Variants in NTRK1 observed in about 807,000 individuals in gnomAD.
The protein encoded by NTRK1 is high affinity nerve growth factor receptor.
A neutral mutation model predicts 86.8 loss-of-function variants in NTRK1; 62 were observed. The ratio of observed to expected loss-of-function variants is 0.71; its 90% CI spans 0.58 to 0.88. The LOEUF is 0.88. Among genes scored for constraint, NTRK1 ranks in the 40% least tolerant of loss-of-function variants. The pLI is 0.00. For synonymous variants in NTRK1, 469 were observed against 456.6 expected (o/e 1.03, Z -0.35); for missense variants, 967 against 1,078.4 (o/e 0.90, Z 1.45).
At position 156,854,016 on chromosome 1, in the gene NTRK1, C is replaced by T. The variant is rs756463436; in HGVS notation, c.51-10338C>T. On this transcript the variant is annotated intron_variant, in intron 2 of 16. Coordinates refer to the NTRK1 transcript ENST00000392302. The surrounding 1 kb of genome is among the most constrained non-coding windows in gnomAD (Gnocchi z 4.2). The stretch of plus-strand genomic sequence containing the variant: ...GCCCCAAGTGCAGGCAGTGCCACGT[C>T]ACGCAGATGTGGCATCTCAAAGATG... 3.7e-6 allele frequency: 6 copies of T among 1,613,854 alleles called. No individual in the cohort carries two copies. Among genetic ancestry groups the T allele is most frequent in the Non-Finnish European group, 4.2e-6 (5 of 1,179,928 alleles).
At chr1:156,849,460 C>G (rs1410910688) in intron 2 of NTRK1, 6 of 1,532,894 alleles carry the variant, frequency 3.9e-6, no homozygotes, top group South Asian at 1.1e-5. Flanking sequence ...GAGTGTAGTT[C>G]CTGGGGGAGG....
chr1:156,861,147 G>C lies in NTRK1; in HGVS notation c.212+1G>C. 1.3e-6 allele frequency: 2 copies of C among 1,566,476 alleles called. No homozygotes were observed. The highest frequency in any genetic ancestry group is 8.6e-7 in the Non-Finnish European group (1 of 1,159,736). Reference sequence around the variant, plus strand: ...CCGGCGCAGAGAACCTGACTGAGCTGTGAGTGTCCGGCGGGCGGTGGGGGG... The same window carrying C: ...CCGGCGCAGAGAACCTGACTGAGCTCTGAGTGTCCGGCGGGCGGTGGGGGG... On this transcript the variant is annotated splice_donor_variant, in intron 1 of 16. Transcript: ENST00000524377. LOFTEE classifies it high-confidence loss of function.
chr1:156,842,920 T>C (rs1194754798), intron 2 of NTRK1: 3 of 1,080,830 alleles, frequency 2.8e-6, no homozygotes, highest in African/African-American at 1.6e-5. Flanking sequence ...AATGGTGCCC[T>C]AACCTCATCT....
In NTRK1 at chr1:156,844,872, C is replaced by T. The variant is rs769668559; in HGVS notation, c.50+2679C>T. 8 of 1,612,432 alleles carry T rather than the reference C, an allele frequency of 5.0e-6. No individual in the cohort carries two copies. The South Asian group carries it at 5.5e-5, about 11-fold the overall frequency. On this transcript the variant is annotated intron_variant, in intron 2 of 16. Transcript: ENST00000392302. ...CGGGAAGGGGCATCCAGCAGCCGGGCCAAAAGTGGTTCATCTCACCTTATG... is the reference window on the plus strand; with the variant it reads ...CGGGAAGGGGCATCCAGCAGCCGGGTCAAAAGTGGTTCATCTCACCTTATG...
intron 1 of NTRK1, chr1:156,840,835 T>C: frequency 6.6e-7 from 1 of 1,503,962 alleles, no homozygotes; most frequent in Non-Finnish European, 9.2e-7. Context: ...TCCCTTCCTG[T>C]CTCCCCATGG....
chr1:156,859,023 G>A (rs1428771490), upstream of NTRK1: 1 of 188,224 alleles, frequency 5.3e-6, no homozygotes, highest in Non-Finnish European at 1.1e-5. The surrounding 1 kb of genome is among the most constrained non-coding windows in gnomAD (Gnocchi z 6.2). Context: ...CGGGGGTCCC[G>A]GGGCGCGTGG....
At chr1:156,829,300 C>A (rs1002926013) in intron 1 of NTRK1, among the ~76,000 whole-genome samples, 1 of 152,176 alleles carries the variant, frequency 6.6e-6, no homozygotes, top group East Asian at 1.9e-4. Flanking sequence ...GTGCCACCAC[C>A]TAGAGCACAC....
chr1:156,851,770 G>C lies in NTRK1; in HGVS notation c.50+9577G>C, dbSNP rs531765692. The C allele has an allele frequency of 3.7e-6, 6 of 1,610,614 alleles. No individual in the cohort carries two copies. Among genetic ancestry groups the C allele is most frequent in the Middle Eastern group, 1.6e-4 (1 of 6,074 alleles). ...TGCACTCTTTAGGGCACAGCCCCTC[G>C]CACTTGTGGCAGAATATGCTAGCAG... is the stretch of plus-strand genomic sequence containing the variant. On this transcript the variant is annotated intron_variant, in intron 2 of 16. Coordinates refer to the NTRK1 transcript ENST00000392302.
At chr1:156,864,822 A>G in intron 3 of NTRK1, 23 bp downstream of exon 3, 1 of 1,608,554 alleles carries the variant, frequency 6.2e-7, no homozygotes, top group Non-Finnish European at 8.5e-7. Flanking sequence ...AGTGCTGGGC[A>G]GTGGGAGTTG....
chr1:156,871,756 G>C lies in NTRK1; in HGVS notation c.850+1G>C, dbSNP rs1647569895. ...GTCTCTGTTCAGGTCAACGTCTCCTGTGAGTCTCAGTGGCAGCTCCGGCAC... is the reference window on the plus strand; with the variant it reads ...GTCTCTGTTCAGGTCAACGTCTCCTCTGAGTCTCAGTGGCAGCTCCGGCAC... On this transcript the variant is annotated splice_donor_variant, in intron 7 of 16. Transcript: ENST00000524377. LOFTEE classifies it high-confidence loss of function. 2 of 1,614,050 alleles carry C rather than the reference G, an allele frequency of 1.2e-6. No homozygotes were observed. The highest frequency in any genetic ancestry group is 2.7e-5 in the African/African-American group (2 of 74,922).
intron 16 of NTRK1, 21 bp downstream of exon 16, chr1:156,880,178 A>C (rs1238042391): frequency 3.1e-6 from 5 of 1,611,034 alleles, no homozygotes; most frequent in East Asian, 4.5e-5. Flanking sequence ...GCCCATGGTC[A>C]CCCCTTGCTG....
intron 14 of NTRK1, among the ~76,000 whole-genome samples, chr1:156,876,794 T>A (rs1647951956): frequency 6.6e-6 from 1 of 151,578 alleles, no homozygotes; most frequent in Admixed American, 6.6e-5. Flanking sequence ...GTCAGGGAGG[T>A]TGCGATGGCA....
In NTRK1 at chr1:156,862,573, G is replaced by C. The variant is rs960256820; in HGVS notation, c.212+1427G>C. ...TGAGCTGAGATGTCCCCCTGGGTGG[G>C]GCTGCAGCCTGACATCCCCCTCCCC... On this transcript the variant is annotated intron_variant, in intron 1 of 16. Transcript: ENST00000524377. Among the ~76,000 whole-genome samples, 3 of 152,236 alleles carry C rather than the reference G, an allele frequency of 2.0e-5. No individual in the cohort carries two copies. The East Asian group carries it at 5.8e-4, about 29-fold the overall frequency.
In NTRK1 at chr1:156,832,592, G is replaced by C. The variant is rs138245747; in HGVS notation, c.-63-9489G>C. 1.8e-3 allele frequency among the ~76,000 whole-genome samples: 274 copies of C among 152,244 alleles called. 2 individuals are homozygous for C. The highest frequency in any genetic ancestry group is 4.4e-3 in the Admixed American group (68 of 15,292). On this transcript the variant is annotated intron_variant, in intron 1 of 16. Coordinates refer to the NTRK1 transcript ENST00000392302. ...TGAGTCGCAGGAGCAAAGTGAATGA[G>C]GGCATGCAGGCTTAGAGCTGCAAAG...
At position 156,866,834 on chromosome 1, in the gene NTRK1, C is replaced by G. The variant is rs1035014828; in HGVS notation, c.360-76C>G. 3.3e-6 allele frequency: 5 copies of G among 1,496,378 alleles called. No homozygotes were observed. The African/African-American group carries it at 6.9e-5, about 21-fold the overall frequency. The allele number at this position is 1,496,378 out of a possible 1,614,324, so 92.7% of individuals were successfully genotyped here. ...CAGATGTCAACTTCTTTCTTGGCTC[C>G]TCCCCTCCCTCATTCTGGTCAGAGT... On this transcript the variant is annotated intron_variant, in intron 3 of 16. Transcript: ENST00000524377.
chr1:156,826,195 T>C (rs1020554851), intron 1 of NTRK1, among the ~76,000 whole-genome samples: 7 of 152,112 alleles, frequency 4.6e-5, no homozygotes, highest in African/African-American at 7.2e-5. Context: ...AAAAGAGCTC[T>C]GTATGGAATT....
Position 156,844,427 on chromosome 1 carries a change from C to G in NTRK1, c.50+2234C>G, listed in dbSNP as rs138044856. ...GGGCTGGGGACCAGGTAGGGCTGTTCGGTGATACAGGTCTGTGACAGAGGC... is the reference window on the plus strand; with the variant it reads ...GGGCTGGGGACCAGGTAGGGCTGTTGGGTGATACAGGTCTGTGACAGAGGC... On this transcript the variant is annotated intron_variant, in intron 2 of 16. Transcript: ENST00000392302. 10 of 1,601,244 alleles carry G rather than the reference C, an allele frequency of 6.2e-6. No individual in the cohort carries two copies. In the Admixed American group the frequency reaches 1.0e-4, roughly 16 times the overall value.
At chr1:156,817,125 C>T (rs1044423536) in intron 1 of NTRK1, among the ~76,000 whole-genome samples, 3 of 144,724 alleles carry the variant, frequency 2.1e-5, no homozygotes, top group Admixed American at 7.2e-5. Flanking sequence ...CCCACTCTGC[C>T]TCTTGGCCTG....
At chr1:156,861,172 G>T (rs377371623) in intron 1 of NTRK1, 26 bp downstream of exon 1, 1 of 1,539,406 alleles carries the variant, frequency 6.5e-7, no homozygotes. Flanking sequence ...GCGGTGGGGG[G>T]GCGCGGGGAC....
Sources: allele counts gnomAD v4.1 joint callset (sites outside exome capture counted in the v4.1 genomes callset), GRCh38; gene constraint gnomAD v4.1.1; non-coding constraint Gnocchi (gnomAD v3.1); transcripts MANE v1.5; gene names NCBI Gene and HGNC (gene_info 2026-07-23, HGNC 2026-07-21).